Variants in PUS7 observed in about 807,000 individuals in gnomAD.
The protein encoded by PUS7 is pseudouridylate synthase 7 homolog.
A neutral mutation model predicts 79.8 loss-of-function variants in PUS7; 48 were observed. That is an observed-to-expected ratio of 0.60 (90% confidence interval 0.48 to 0.76). The LOEUF (loss-of-function observed/expected upper bound fraction) is 0.76, where lower values mean the gene tolerates loss of function less well. Ranked by LOEUF, PUS7 falls within the 30% of genes least tolerant of loss-of-function variation. The pLI is 0.00. For missense variants in PUS7, 729 were observed against 797.6 expected (o/e 0.91, Z 1.04); for synonymous variants, 286 against 272.2 (o/e 1.05, Z -0.50).
chr7:105,486,048 T>C (rs189961991), intron 7 of PUS7, among the ~76,000 whole-genome samples: 2 of 150,430 alleles, frequency 1.3e-5, no homozygotes, highest in East Asian at 3.9e-4. Context: ...TTTTTTTTTT[T>C]GTTTTGTTTT....
In PUS7 at chr7:105,495,156, G is replaced by A. The variant is rs76889527; in HGVS notation, c.828C>T (p.Leu276=). ...NKDTMDAINV[L]SKYLRVKPNI... is the part of the protein sequence containing the mutation. ...CAGTAACTCACCTTAAGTATTTGGA[G>A]AGTACATTAATAGCATCCATGGTGT... Residue 276 remains leucine, a synonymous_variant, in exon 6 of 16, where the codon CTC becomes CTT. Coordinates refer to ENST00000469408, the MANE Select transcript of PUS7 (RefSeq NM_019042.5). The A allele has an allele frequency of 4.1e-3, 6,596 of 1,592,074 alleles. 125 individuals are homozygous for A. Among genetic ancestry groups the A allele is most frequent in the East Asian group, 0.025 (1,097 of 44,692 alleles).
At chr7:105,488,364 G>T (rs1253731481) in intron 7 of PUS7, among the ~76,000 whole-genome samples, 2 of 151,808 alleles carry the variant, frequency 1.3e-5, no homozygotes, top group Non-Finnish European at 2.9e-5. Flanking sequence ...GTGGTAAATT[G>T]GTACCACTTT....
At chr7:105,468,520 TAC>T in intron 11 of PUS7, 57 bp from the exon 12 acceptor site, 1 of 1,470,604 alleles carries the variant, frequency 6.8e-7, no homozygotes, top group South Asian at 1.3e-5. Context: ...AAAAGTGCTG[TAC>T]TTTTTTTTTT....
chr7:105,489,609 G>T (rs1275356800), intron 7 of PUS7, among the ~76,000 whole-genome samples: 5 of 152,132 alleles, frequency 3.3e-5, no homozygotes, highest in African/African-American at 1.2e-4. Flanking sequence ...ACCAGTAAAA[G>T]CAATGGTGAG....
At chr7:105,492,871 G>A (rs6964788) in intron 6 of PUS7, among the ~76,000 whole-genome samples, 4 of 151,138 alleles carry the variant, frequency 2.6e-5, no homozygotes, top group East Asian at 1.9e-4. Context: ...TTGAATGCTC[G>A]ACCTCAGGTG....
In PUS7 at chr7:105,481,071, G is replaced by A. The variant is rs1824299888; in HGVS notation, c.1156C>T (p.Pro386Ser). 5 of 1,611,056 alleles carry A rather than the reference G, an allele frequency of 3.1e-6. No individual in the cohort carries two copies. The highest frequency in any genetic ancestry group is 8.5e-7 in the Non-Finnish European group (1 of 1,178,624). ...ACCAACCTTCCAACCTGATACGTAG[G>A]GACAGCTGTGGTTCCAAATCTTTGC... Reference protein sequence around the residue: ...GMQRFGTTAVPTYQVGRAILQ... With the variant: ...GMQRFGTTAVSTYQVGRAILQ... The change falls in exon 9 of 16, where the codon CCT becomes TCT. Residue 386 changes from proline (P) to serine (S), a missense_variant. By Grantham distance (74) the Pro-to-Ser change is moderately conservative. Transcript: ENST00000469408.
At chr7:105,490,539 A>G (rs1419699521) in intron 7 of PUS7, among the ~76,000 whole-genome samples, 3 of 152,202 alleles carry the variant, frequency 2.0e-5, no homozygotes, top group South Asian at 2.1e-4. Context: ...TCCATAATCC[A>G]GCCTCTATAC....
chr7:105,520,830 G>A (rs552210787), intron 1 of PUS7, among the ~76,000 whole-genome samples: 25 of 152,202 alleles, frequency 1.6e-4, no homozygotes, highest in South Asian at 4.1e-4. Context: ...TTAAGGTCAG[G>A]AGTTTGAGGC....
At chr7:105,467,294 CTTTT>C (rs34780377) in intron 12 of PUS7, among the ~76,000 whole-genome samples, 2 of 129,616 alleles carry the variant, frequency 1.5e-5, no homozygotes, top group Non-Finnish European at 1.7e-5. Context: ...AGAAACTCTT[CTTTT>C]TTTTTTTTTT....
intron 7 of PUS7, among the ~76,000 whole-genome samples, chr7:105,490,296 C>T (rs945850124): frequency 4.6e-5 from 7 of 152,016 alleles, no homozygotes; most frequent in Admixed American, 1.3e-4. Flanking sequence ...ACAATGCATC[C>T]ATCACCCCCA....
At chr7:105,517,754 C>T (rs778142910) in intron 1 of PUS7, among the ~76,000 whole-genome samples, 26 of 151,942 alleles carry the variant, frequency 1.7e-4, no homozygotes, top group Non-Finnish European at 3.2e-4. Flanking sequence ...CAGAGGGAGA[C>T]TTCATCTCTG....
chr7:105,508,732 C>T lies in PUS7; in HGVS notation c.-32-188G>A, dbSNP rs187318635. On this transcript the variant is annotated intron_variant, in intron 1 of 15. Transcript: ENST00000469408. ...TCATCTCTACTAAATATTAGTTAGG[C>T]GTGGGTGGCAGGCGCCTATAGTCCC... 2.7e-3 allele frequency among the ~76,000 whole-genome samples: 405 copies of T among 150,084 alleles called. 2 individuals carry two copies. The highest frequency in any genetic ancestry group is 9.3e-3 in the African/African-American group (377 of 40,752).
chr7:105,475,395 C>T (rs10243575), intron 9 of PUS7, among the ~76,000 whole-genome samples: 132,154 of 151,782 alleles, frequency 0.87, 57,863 homozygotes, highest in African/African-American at 0.95. Flanking sequence ...CTGTGTTAGC[C>T]AGGATGGTCT....
Position 105,457,805 on chromosome 7 carries a change from T to G in PUS7, c.1971A>C (p.Thr657=). The stretch of plus-strand genomic sequence containing the variant: ...AAGGTACTGCTCAGCGAAGCCAGGT[T>G]GTATTCAGCTGCGTCTGGTTCTTGA... ...TSIKNQTQLN[T]TWLR Residue 657 remains threonine (T), a synonymous_variant, in exon 16 of 16, where the codon ACA becomes ACC. Coordinates refer to ENST00000469408, the MANE Select transcript of PUS7 (RefSeq NM_019042.5). 1.2e-6 allele frequency: 2 copies of G among 1,614,062 alleles called. No homozygotes were observed. Among genetic ancestry groups the G allele is most frequent in the Non-Finnish European group, 1.7e-6 (2 of 1,179,944 alleles).
At chr7:105,503,601 G>C (rs1196306710) in intron 4 of PUS7, among the ~76,000 whole-genome samples, 1 of 152,030 alleles carries the variant, frequency 6.6e-6, no homozygotes, top group East Asian at 1.9e-4. Flanking sequence ...CATACTATTT[G>C]CAATGCACAA....
intron 12 of PUS7, among the ~76,000 whole-genome samples, chr7:105,467,576 C>T (rs1240308252): frequency 6.6e-6 from 1 of 151,866 alleles, no homozygotes; most frequent in African/African-American, 2.4e-5. Context: ...GTGTGAGCCA[C>T]TGCGCCCAGT....
intron 1 of PUS7, among the ~76,000 whole-genome samples, chr7:105,511,088 G>C (rs1476236183): frequency 7.1e-6 from 1 of 140,638 alleles, no homozygotes; most frequent in Non-Finnish European, 1.6e-5. Context: ...CTGGAGTGCA[G>C]TGGCACGATC....
At chr7:105,504,785 A>G (rs973141567) in intron 4 of PUS7, among the ~76,000 whole-genome samples, 8 of 152,136 alleles carry the variant, frequency 5.3e-5, no homozygotes, top group African/African-American at 1.9e-4. Context: ...TGGCATTGCT[A>G]AAGGTTTTGT....
chr7:105,501,385 A>T (rs2133221067), intron 5 of PUS7, among the ~76,000 whole-genome samples: 1 of 152,174 alleles, frequency 6.6e-6, no homozygotes, highest in East Asian at 1.9e-4. Context: ...TTATCTGTCA[A>T]TTTGGTAGGT....
Sources: allele counts gnomAD v4.1 joint callset (sites outside exome capture counted in the v4.1 genomes callset), GRCh38; gene constraint gnomAD v4.1.1; transcripts MANE v1.5; gene names NCBI Gene and HGNC (gene_info 2026-07-23, HGNC 2026-07-21).